Variants in SPMIP4 observed in about 807,000 individuals in gnomAD.
The protein encoded by SPMIP4 is sperm-associated microtubule inner protein 4.
chr7:25,139,308 G>C, the SPMIP4 span, among the ~76,000 whole-genome samples: 36 of 152,160 alleles, frequency 2.4e-4, no homozygotes, highest in Non-Finnish European at 7.3e-5. Flanking sequence ...TGGATGGTTA[G>C]AGGGATGGAA....
the SPMIP4 span, among the ~76,000 whole-genome samples, chr7:25,162,750 G>A: frequency 0.38 from 55,217 of 147,020 alleles, 12,373 homozygotes; most frequent in Non-Finnish European, 0.5. Flanking sequence ...ACCCACTTAG[G>A]ATTTGGCATT....
At chr7:25,143,651 G>A in the SPMIP4 span, among the ~76,000 whole-genome samples, 289 of 147,032 alleles carry the variant, frequency 2.0e-3, 1 homozygote, top group African/African-American at 7.0e-3. Context: ...GAGTGCAGTG[G>A]TACAATCATA....
At chr7:25,171,383 G>A in the SPMIP4 span, among the ~76,000 whole-genome samples, 2 of 152,188 alleles carry the variant, frequency 1.3e-5, no homozygotes, top group African/African-American at 4.8e-5. Flanking sequence ...AGATGGATTT[G>A]TTTCCTATAC....
chr7:25,151,606 A>C, the SPMIP4 span: 1 of 1,595,306 alleles, frequency 6.3e-7, no homozygotes, highest in South Asian at 1.1e-5. Flanking sequence ...ATCATAATAT[A>C]CACCTTGACC....
the SPMIP4 span, chr7:25,161,317 G>C: frequency 4.3e-6 from 4 of 935,146 alleles, no homozygotes; most frequent in South Asian, 3.6e-5. Flanking sequence ...CAATATAATG[G>C]TGAGATAGTA....
the SPMIP4 span, chr7:25,161,158 A>AT: frequency 7.4e-7 from 1 of 1,342,810 alleles, no homozygotes; most frequent in Non-Finnish European, 1.0e-6. Context: ...ATGTTATTTG[A>AT]TTTTATATAA....
At chr7:25,131,139 C>A in the SPMIP4 span, among the ~76,000 whole-genome samples, 2 of 152,202 alleles carry the variant, frequency 1.3e-5, no homozygotes, top group Non-Finnish European at 2.9e-5. This position sits in a 1 kb window ranked among gnomAD's most constrained non-coding sequence, Gnocchi z 4.2. Context: ...GGAACTTGAA[C>A]TCTATTGTGA....
At chr7:25,129,056 G>A in the SPMIP4 span, among the ~76,000 whole-genome samples, 1 of 152,160 alleles carries the variant, frequency 6.6e-6, no homozygotes, top group African/African-American at 2.4e-5. Flanking sequence ...CTCAAGTGGT[G>A]GGAAGGAGTC....
At chr7:25,142,467 C>T in the SPMIP4 span, 2 of 834,094 alleles carry the variant, frequency 2.4e-6, no homozygotes, top group South Asian at 3.9e-5. Flanking sequence ...ACCCTACCTC[C>T]CAGCTACCTA....
chr7:25,158,760 A>T, the SPMIP4 span, among the ~76,000 whole-genome samples: 1 of 151,962 alleles, frequency 6.6e-6, no homozygotes, highest in South Asian at 2.1e-4. Flanking sequence ...TACAAAAAAA[A>T]TTAGCTAGGC....
At chr7:25,179,313 C>T in the SPMIP4 span, 1 of 1,602,334 alleles carries the variant, frequency 6.2e-7, no homozygotes, top group Non-Finnish European at 8.5e-7. Flanking sequence ...TTCCATGCTT[C>T]TTGGCTAAAA....
the SPMIP4 span, among the ~76,000 whole-genome samples, chr7:25,149,082 G>T: frequency 6.6e-6 from 1 of 152,200 alleles, no homozygotes; most frequent in Admixed American, 6.5e-5. Context: ...ACAAGAGTAG[G>T]TTACAGTCTG....
chr7:25,145,636 T>C, the SPMIP4 span, among the ~76,000 whole-genome samples: 1 of 152,202 alleles, frequency 6.6e-6, no homozygotes, highest in African/African-American at 2.4e-5. Context: ...CCTGAGATGT[T>C]AGTTTCTAGA....
the SPMIP4 span, among the ~76,000 whole-genome samples, chr7:25,173,532 G>A: frequency 2.0e-5 from 3 of 152,156 alleles, no homozygotes; most frequent in Non-Finnish European, 4.4e-5. This position sits in a 1 kb window ranked among gnomAD's most constrained non-coding sequence, Gnocchi z 4.4. Context: ...TGCTAACCCC[G>A]CACTGGCTAG....
chr7:25,156,537 A>T, the SPMIP4 span, among the ~76,000 whole-genome samples: 4 of 152,230 alleles, frequency 2.6e-5, no homozygotes, highest in Admixed American at 1.3e-4. Context: ...ATAGGTCTTT[A>T]GCTGAAACAC....
chr7:25,128,687 A>C, the SPMIP4 span, among the ~76,000 whole-genome samples: 1 of 152,012 alleles, frequency 6.6e-6, no homozygotes, highest in Non-Finnish European at 1.5e-5. The surrounding 1 kb of genome is among the most constrained non-coding windows in gnomAD (Gnocchi z 4.5). Context: ...TTGGTGCCCT[A>C]CTCCCCAGTA....
chr7:25,142,382 C>G, the SPMIP4 span: 1 of 1,312,818 alleles, frequency 7.6e-7, no homozygotes, highest in Non-Finnish European at 1.1e-6. Context: ...CGAAGAACGA[C>G]AGTTATATTA....
chr7:25,167,863 AT>A, the SPMIP4 span, among the ~76,000 whole-genome samples: 3 of 152,162 alleles, frequency 2.0e-5, no homozygotes, highest in Non-Finnish European at 2.9e-5. Context: ...TAACTTTAAG[AT>A]TTATAAACTA....
At chr7:25,175,018 C>A in the SPMIP4 span, among the ~76,000 whole-genome samples, 2 of 152,112 alleles carry the variant, frequency 1.3e-5, no homozygotes, top group South Asian at 2.1e-4. Context: ...GATCCATAGT[C>A]CTGGTTTTCT....
Sources: allele counts gnomAD v4.1 joint callset (sites outside exome capture counted in the v4.1 genomes callset), GRCh38; gene constraint gnomAD v4.1.1; non-coding constraint Gnocchi (gnomAD v3.1); transcripts MANE v1.5; gene names NCBI Gene and HGNC (gene_info 2026-07-23, HGNC 2026-07-21).